VWC2L: variants seen among roughly 807,000 people sequenced by gnomAD.
The protein encoded by VWC2L is von Willebrand factor C domain containing 2 like.
In VWC2L, 10 loss-of-function variants were observed where a neutral mutation model predicts 21.6. That is an observed-to-expected ratio of 0.46 (90% confidence interval 0.29 to 0.78). The LOEUF (loss-of-function observed/expected upper bound fraction) is 0.78. Among genes scored for constraint, VWC2L ranks in the 30% least tolerant of loss-of-function variants. The probability of loss-of-function intolerance (pLI) is 0.10; values close to 1 mark genes in which losing one functional copy is unlikely to be tolerated. For synonymous variants in VWC2L, 96 were observed against 94.3 expected (o/e 1.02, Z -0.10); for missense variants, 209 against 277.1 (o/e 0.75, Z 1.74).
At chr2:214,484,943 C>T (rs1280072530) in intron 3 of VWC2L, among the ~76,000 whole-genome samples, 1 of 152,134 alleles carries the variant, frequency 6.6e-6, no homozygotes, top group East Asian at 1.9e-4. Context: ...AATGTATCAT[C>T]ATGAAAATGT....
intron 3 of VWC2L, among the ~76,000 whole-genome samples, chr2:214,544,674 C>G (rs1178784651): frequency 1.3e-5 from 2 of 152,064 alleles, no homozygotes; most frequent in East Asian, 1.9e-4. Flanking sequence ...AGTCTCTTCC[C>G]CCCTCTGAGT....
At chr2:214,487,978 T>A (rs539149342) in intron 3 of VWC2L, among the ~76,000 whole-genome samples, 1 of 152,178 alleles carries the variant, frequency 6.6e-6, no homozygotes, top group Non-Finnish European at 1.5e-5. Context: ...ATTGATACTG[T>A]TGCTATTACA....
chr2:214,462,900 T>C (rs572356616), intron 3 of VWC2L, among the ~76,000 whole-genome samples: 1 of 152,326 alleles, frequency 6.6e-6, no homozygotes, highest in Non-Finnish European at 1.5e-5. Flanking sequence ...GAATCATAGG[T>C]TATATAGGAT....
At chr2:214,568,663 A>G (rs1180501586) in intron 3 of VWC2L, among the ~76,000 whole-genome samples, 1 of 152,180 alleles carries the variant, frequency 6.6e-6, no homozygotes, top group East Asian at 1.9e-4. Context: ...CAGCACAGGA[A>G]AGACCCATTC....
intron 3 of VWC2L, among the ~76,000 whole-genome samples, chr2:214,453,911 G>C (rs1202289448): frequency 6.6e-6 from 1 of 151,844 alleles, no homozygotes; most frequent in Non-Finnish European, 1.5e-5. Context: ...AGTAGAGATG[G>C]GGTTTCACTT....
chr2:214,558,825 T>TA (rs566604285), intron 3 of VWC2L, among the ~76,000 whole-genome samples: 11 of 152,020 alleles, frequency 7.2e-5, no homozygotes, highest in African/African-American at 2.4e-4. Flanking sequence ...TTTTTTTTTT[T>TA]AAATTTATGC....
At position 214,425,157 on chromosome 2, in the gene VWC2L, T is replaced by A. The variant is rs142777995; in HGVS notation, c.390+10574T>A. On this transcript the variant is annotated intron_variant, in intron 2 of 3. Transcript: ENST00000312504. ...ACTATTTGGCTTTCTATAGAGAAGGTTTGCTGATCCTTGCCTAATCTGGAA... is the reference window on the plus strand; with the variant it reads ...ACTATTTGGCTTTCTATAGAGAAGGATTGCTGATCCTTGCCTAATCTGGAA... Among the ~76,000 whole-genome samples, 637 of 152,296 alleles carry A rather than the reference T, an allele frequency of 4.2e-3. 4 individuals are homozygous for A. The highest frequency in any genetic ancestry group is 0.015 in the African/African-American group (615 of 41,556).
intron 2 of VWC2L, among the ~76,000 whole-genome samples, chr2:214,433,832 G>C (rs1262486637): frequency 1.3e-5 from 2 of 152,144 alleles, no homozygotes; most frequent in Admixed American, 1.3e-4. Context: ...AAGGAAAGAG[G>C]CTTGGCAAGT....
In VWC2L at chr2:214,422,034, C is replaced by T. The variant is rs915505714; in HGVS notation, c.390+7451C>T. Among the ~76,000 whole-genome samples the T allele has an allele frequency of 4.0e-5, 6 of 150,864 alleles. No homozygotes were observed. In the South Asian group the frequency reaches 1.1e-3, roughly 26 times the overall value. On this transcript the variant is annotated intron_variant, in intron 2 of 3. Transcript: ENST00000312504. The stretch of plus-strand genomic sequence containing the variant: ...CCTCCCATGTAGCTGGGATTACAGG[C>T]GCGTGCCACCATGCCCGGCTAATTT...
intron 3 of VWC2L, among the ~76,000 whole-genome samples, chr2:214,568,581 G>C (rs986729675): frequency 6.6e-6 from 1 of 152,152 alleles, no homozygotes; most frequent in Non-Finnish European, 1.5e-5. Context: ...CAGCCAGCAA[G>C]AGAGCTTGTG....
chr2:214,431,876 T>G (rs192006669), intron 2 of VWC2L, among the ~76,000 whole-genome samples: 1 of 152,346 alleles, frequency 6.6e-6, no homozygotes. Context: ...AAGTCTGTAA[T>G]CATCTACTGC....
intron 3 of VWC2L, among the ~76,000 whole-genome samples, chr2:214,541,270 G>A (rs760916242): frequency 1.4e-4 from 21 of 147,342 alleles, no homozygotes; most frequent in Non-Finnish European, 2.6e-4. Context: ...TTTCATCTTG[G>A]TACCACCCAA....
intron 3 of VWC2L, among the ~76,000 whole-genome samples, chr2:214,482,767 AAAT>A (rs1688625693): frequency 1.3e-5 from 2 of 151,918 alleles, no homozygotes; most frequent in Non-Finnish European, 2.9e-5. Flanking sequence ...CATCTCAAAA[AAAT>A]AATAATAATA....
chr2:214,573,948 C>G (rs1370407049), intron 3 of VWC2L, among the ~76,000 whole-genome samples: 2 of 152,192 alleles, frequency 1.3e-5, no homozygotes, highest in African/African-American at 2.4e-5. Context: ...CGAGACCAGT[C>G]TGCCCAACAT....
intron 3 of VWC2L, among the ~76,000 whole-genome samples, chr2:214,502,521 G>C (rs1185415828): frequency 4.6e-5 from 7 of 152,132 alleles, no homozygotes; most frequent in Non-Finnish European, 2.9e-5. Flanking sequence ...AGTGAGCCGA[G>C]ATCGTGCCAC....
chr2:214,521,928 T>C (rs1418923122), intron 3 of VWC2L, among the ~76,000 whole-genome samples: 1 of 152,238 alleles, frequency 6.6e-6, no homozygotes, highest in Non-Finnish European at 1.5e-5. Flanking sequence ...GATTGTACTT[T>C]CTTCCTATTA....
chr2:214,439,873 A>G (rs1324639463), intron 3 of VWC2L, among the ~76,000 whole-genome samples: 1 of 151,980 alleles, frequency 6.6e-6, no homozygotes. Flanking sequence ...AAAACTGTTT[A>G]CCAATGAAAA....
chr2:214,446,636 G>A (rs1702841736), intron 3 of VWC2L, among the ~76,000 whole-genome samples: 2 of 152,134 alleles, frequency 1.3e-5, no homozygotes, highest in African/African-American at 4.8e-5. Context: ...AATGTTTTCT[G>A]TGTTTCTCAC....
At chr2:214,569,851 C>T (rs1208393509) in intron 3 of VWC2L, among the ~76,000 whole-genome samples, 1 of 152,190 alleles carries the variant, frequency 6.6e-6, no homozygotes, top group Non-Finnish European at 1.5e-5. Flanking sequence ...TTAATGCAAT[C>T]ATGTGATGTT....
Sources: allele counts gnomAD v4.1 joint callset (sites outside exome capture counted in the v4.1 genomes callset), GRCh38; gene constraint gnomAD v4.1.1; transcripts MANE v1.5; gene names NCBI Gene and HGNC (gene_info 2026-07-23, HGNC 2026-07-21).